RPS6KA3: variants seen among roughly 807,000 people sequenced by gnomAD.
The protein encoded by RPS6KA3 is ribosomal protein S6 kinase alpha-3.
Under a neutral mutation model 67.2 loss-of-function variants are expected in RPS6KA3, and 4 were observed. The ratio of observed to expected loss-of-function variants is 0.06; its 90% CI spans 0.03 to 0.14. RPS6KA3 has a LOEUF of 0.14. Ranked by LOEUF, RPS6KA3 falls within the 10% of genes least tolerant of loss-of-function variation. RPS6KA3 has a pLI of 1.00. For synonymous variants in RPS6KA3, 182 were observed against 183.7 expected, an observed-to-expected ratio of 0.99 and a Z score of 0.07; for missense variants, 204 against 559.0, an observed-to-expected ratio of 0.36 and a Z score of 6.40.
At chrX:20,194,325 T>C (rs1449497892) in intron 5 of RPS6KA3, 57 bp from the exon 6 acceptor site, 3 of 675,454 alleles carry the variant, frequency 4.4e-6, no homozygotes, top group Non-Finnish European at 7.1e-6. Flanking sequence ...TAGGTTTACA[T>C]TAGGTCATTC....
chrX:20,266,400 C>T (rs2070386483), intron 1 of RPS6KA3, among the ~76,000 whole-genome samples, 164 bp downstream of exon 1: 1 of 111,656 alleles, frequency 9.0e-6, no homozygotes, highest in African/African-American at 3.3e-5. Context: ...AACAGACAGA[C>T]CGGCCAATAG....
rs1457061414 is a variant in RPS6KA3 at position 20,150,612 on chromosome X, T to C, written c.*4786A>G. On this transcript the variant is annotated 3_prime_UTR_variant, in exon 22 of 22. Transcript: ENST00000379565. The stretch of plus-strand genomic sequence containing the variant: ...TGCTTTGTACGTGAAAGTTCTATTT[T>C]AAATACTTGTTTGAAAAACTCATTA... 8.9e-6 allele frequency: 1 copy of C among 112,575 alleles called. No individual in the cohort carries two copies. The highest frequency in any genetic ancestry group is 2.8e-4 in the East Asian group (1 of 3,617). 9.3% of individuals were successfully genotyped at this position (112,575 alleles called of 1,213,427 possible). A position where few individuals can be genotyped will look rare whatever the true frequency, so the allele number is the denominator to read the frequency against.
chrX:20,232,899 C>T (rs1232936082), intron 2 of RPS6KA3, among the ~76,000 whole-genome samples: 2 of 112,009 alleles, frequency 1.8e-5, no homozygotes, highest in Admixed American at 9.4e-5. Context: ...CTTTGGGAGG[C>T]GAAGATGGGT....
At chrX:20,233,603 T>C (rs767016771) in intron 2 of RPS6KA3, among the ~76,000 whole-genome samples, 4 of 108,785 alleles carry the variant, frequency 3.7e-5, no homozygotes, top group Non-Finnish European at 7.6e-5. Flanking sequence ...AAAAAAAAAT[T>C]AGCTGGGTGT....
chrX:20,155,645 A>C (rs750514239), intron 21 of RPS6KA3, 125 bp from the exon 22 acceptor site: 14 of 838,855 alleles, frequency 1.7e-5, no homozygotes, highest in Non-Finnish European at 2.2e-5. Flanking sequence ...TAATGAAAAT[A>C]ACCACACTGG....
intron 4 of RPS6KA3, among the ~76,000 whole-genome samples, chrX:20,201,359 G>C (rs968305724): frequency 3.6e-5 from 4 of 110,390 alleles, no homozygotes; most frequent in Non-Finnish European, 7.6e-5. Context: ...AGCTAGTCTT[G>C]AACTCCTGTC....
chrX:20,259,542 A>G lies in RPS6KA3; in HGVS notation c.69+7022T>C, dbSNP rs112399492. Among the ~76,000 whole-genome samples the G allele has an allele frequency of 4.8e-3, 533 of 112,071 alleles. 7 individuals carry two copies. The highest frequency in any genetic ancestry group is 0.016 in the African/African-American group (504 of 30,901). Reference sequence around the variant, plus strand: ...AAATGAAACAAAACTCTTGACAGTTAAAGAAAACACTTCAATATAGTCAAT... The same window carrying G: ...AAATGAAACAAAACTCTTGACAGTTGAAGAAAACACTTCAATATAGTCAAT... On this transcript the variant is annotated intron_variant, in intron 1 of 21. Coordinates refer to ENST00000379565, the MANE Select transcript of RPS6KA3 (RefSeq NM_004586.3).
At position 20,151,120 on chromosome X, in the gene RPS6KA3, T is replaced by C. The variant is rs751015310; in HGVS notation, c.*4278A>G. The C allele has an allele frequency of 3.5e-5, 4 of 112,778 alleles. No individual in the cohort carries two copies. The highest frequency in any genetic ancestry group is 3.7e-4 in the South Asian group (1 of 2,705). The allele number at this position is 112,778 out of a possible 1,213,427, so 9.3% of individuals were successfully genotyped here. On this transcript the variant is annotated 3_prime_UTR_variant, in exon 22 of 22. Coordinates refer to ENST00000379565, the MANE Select transcript of RPS6KA3 (RefSeq NM_004586.3). ...AAATCTTTGAGAACACTCAGTCACA[T>C]TGGAACCAGCTGCAAATCACTTGAT...
At position 20,152,959 on chromosome X, in the gene RPS6KA3, A is replaced by G. The variant is rs938791207; in HGVS notation, c.*2439T>C. On this transcript the variant is annotated 3_prime_UTR_variant, in exon 22 of 22. Transcript: ENST00000379565. ...GTGTGATGAGGCGGAAAAAAACAAA[A>G]TGGGGAGAAGTTAAGGATTCTAGAC... is the stretch of plus-strand genomic sequence containing the variant. 1.8e-5 allele frequency: 2 copies of G among 111,535 alleles called. No homozygotes were observed. The highest frequency in any genetic ancestry group is 6.5e-5 in the African/African-American group (2 of 30,646). The allele number at this position is 111,535 out of a possible 1,213,427, so 9.2% of individuals were successfully genotyped here.
rs183590811 is a variant in RPS6KA3, at chrX:20,230,662, G to A, written c.126+4096C>T. Among the ~76,000 whole-genome samples the A allele has an allele frequency of 7.1e-3, 790 of 111,182 alleles. 8 individuals carry two copies. The highest frequency in any genetic ancestry group is 0.024 in the African/African-American group (745 of 30,541). On this transcript the variant is annotated intron_variant, in intron 2 of 21. Coordinates refer to ENST00000379565, the MANE Select transcript of RPS6KA3 (RefSeq NM_004586.3). Reference sequence around the variant, plus strand: ...CTGGTAGGTCATGTTATGGAGGTTGGGTTTTTATTTAAAGGAACCATAAAA... The same window carrying A: ...CTGGTAGGTCATGTTATGGAGGTTGAGTTTTTATTTAAAGGAACCATAAAA...
chrX:20,157,929 A>C (rs776713679), intron 20 of RPS6KA3, among the ~76,000 whole-genome samples: 2 of 111,926 alleles, frequency 1.8e-5, no homozygotes, highest in African/African-American at 6.5e-5. Context: ...GGACCAGATC[A>C]GGAAAGTCCC....
At chrX:20,265,317 G>A (rs768795332) in intron 1 of RPS6KA3, among the ~76,000 whole-genome samples, 7 of 111,852 alleles carry the variant, frequency 6.3e-5, no homozygotes, top group African/African-American at 2.0e-4. Context: ...GAGAATGCAA[G>A]TGTCCCGCAT....
chrX:20,199,939 C>T (rs73447135), intron 4 of RPS6KA3, among the ~76,000 whole-genome samples: 2,460 of 111,710 alleles, frequency 0.022, 71 homozygotes, highest in African/African-American at 0.075. Context: ...AAGTGACAGG[C>T]GGTAGAATAA....
At position 20,165,019 on chromosome X, in the gene RPS6KA3, C is replaced by A. The variant is rs778741873; in HGVS notation, c.1644G>T (p.Val548=). Residue 548 remains valine, a synonymous_variant, in exon 18 of 22, where the codon GTG becomes GTT. Coordinates refer to ENST00000379565, the MANE Select transcript of RPS6KA3 (RefSeq NM_004586.3). The part of the protein sequence containing the change: ...RDLKPSNILY[V]DESGNPESIR... ...TAGATTCCGGATTACCAGATTCATCCACATAAAGAATGTTGCTAGGTTTCA... is the reference window on the plus strand; with the variant it reads ...TAGATTCCGGATTACCAGATTCATCAACATAAAGAATGTTGCTAGGTTTCA... The A allele has an allele frequency of 5.8e-6, 7 of 1,202,779 alleles. No individual in the cohort carries two copies. The highest frequency in any genetic ancestry group is 2.3e-6 in the Non-Finnish European group (2 of 888,883).
intron 1 of RPS6KA3, among the ~76,000 whole-genome samples, chrX:20,237,348 C>G (rs2069438565): frequency 9.0e-6 from 1 of 111,664 alleles, no homozygotes; most frequent in Non-Finnish European, 1.9e-5. Flanking sequence ...AACCCTCAGT[C>G]TAACTTGAGC....
At chrX:20,167,119 C>T (rs1288235316) in intron 17 of RPS6KA3, among the ~76,000 whole-genome samples, 1 of 112,003 alleles carries the variant, frequency 8.9e-6, no homozygotes, top group Non-Finnish European at 1.9e-5. Flanking sequence ...GCTACCGTGC[C>T]CAGCCTAGAA....
At chrX:20,254,005 T>C (rs1448228178) in intron 1 of RPS6KA3, among the ~76,000 whole-genome samples, 2 of 112,039 alleles carry the variant, frequency 1.8e-5, no homozygotes, top group Non-Finnish European at 3.8e-5. Context: ...TTAATTTGCC[T>C]ATGACATTTC....
At chrX:20,234,623 G>T in intron 2 of RPS6KA3, 135 bp downstream of exon 2, 1 of 502,535 alleles carries the variant, frequency 2.0e-6, no homozygotes. Flanking sequence ...CAATAATGTA[G>T]TCTGGTAAAG....
At chrX:20,211,556 A>C (rs372441751) in intron 2 of RPS6KA3, among the ~76,000 whole-genome samples, 3 of 110,880 alleles carry the variant, frequency 2.7e-5, no homozygotes, top group East Asian at 5.6e-4. Context: ...AAAACAAAAA[A>C]AAAAAACCAA....
Sources: allele counts gnomAD v4.1 joint callset (sites outside exome capture counted in the v4.1 genomes callset), GRCh38; gene constraint gnomAD v4.1.1; transcripts MANE v1.5; gene names NCBI Gene and HGNC (gene_info 2026-07-23, HGNC 2026-07-21).